SLC11A2: variants seen among roughly 807,000 people sequenced by gnomAD.
SLC11A2 encodes the protein natural resistance-associated macrophage protein 2.
SLC11A2 carries 38 observed loss-of-function variants against 68.0 expected under a neutral mutation model. The ratio of observed to expected loss-of-function variants is 0.56; its 90% CI spans 0.43 to 0.73. SLC11A2 has a LOEUF of 0.73. Ranked by LOEUF, SLC11A2 falls within the 30% of genes least tolerant of loss-of-function variation. The pLI, the probability that SLC11A2 is intolerant of heterozygous loss-of-function variation, is 0.00. For missense variants in SLC11A2, 517 were observed against 690.5 expected, an observed-to-expected ratio of 0.75 and a Z score of 2.82; for synonymous variants, 242 against 250.6, an observed-to-expected ratio of 0.97 and a Z score of 0.32.
the SLC11A2 span, among the ~76,000 whole-genome samples, chr12:50,962,279 C>T: frequency 6.6e-6 from 1 of 151,324 alleles, no homozygotes; most frequent in South Asian, 2.1e-4. Context: ...TGTGGTGGCA[C>T]ATGCCTGTAA....
intron 2 of SLC11A2, 90 bp downstream of exon 2, chr12:51,010,605 A>G: frequency 1.3e-6 from 1 of 766,646 alleles, no homozygotes; most frequent in South Asian, 1.4e-5. Flanking sequence ...ATGACAGATG[A>G]TGACAAGAGG....
intron 3 of SLC11A2, among the ~76,000 whole-genome samples, chr12:51,007,482 C>T (rs911523630): frequency 2.0e-5 from 3 of 148,390 alleles, no homozygotes; most frequent in African/African-American, 5.0e-5. Context: ...TTACAGGCAC[C>T]CACCACTACG....
chr12:50,982,250 G>A (rs1940088522), downstream of SLC11A2, among the ~76,000 whole-genome samples: 1 of 150,504 alleles, frequency 6.6e-6, no homozygotes, highest in Non-Finnish European at 1.5e-5. Flanking sequence ...ACATGAAATG[G>A]CATGTACCAA....
intron 5 of SLC11A2, among the ~76,000 whole-genome samples, chr12:51,004,523 A>G (rs977012874): frequency 6.6e-6 from 1 of 152,246 alleles, no homozygotes; most frequent in African/African-American, 2.4e-5. Context: ...ATTGCTAGAT[A>G]CTGGAAGCCA....
chr12:51,005,766 AGGTGT>A, intron 3 of SLC11A2: 4 of 1,128,398 alleles, frequency 3.5e-6, no homozygotes, highest in Non-Finnish European at 4.7e-6. Flanking sequence ...GAAACAAGCC[AGGTGT>A]GGTGCTGTGT....
Position 50,988,306 on chromosome 12 carries a change from A to C in SLC11A2, c.*19T>G. 1 of 1,613,884 alleles carries C rather than the reference A, an allele frequency of 6.2e-7. No individual in the cohort carries two copies. Among genetic ancestry groups the C allele is most frequent in the Non-Finnish European group, 8.5e-7 (1 of 1,179,806 alleles). ...CACTGGCTCTGATGGCTACCTGCAG[A>C]AGACAGACTAATCCAGTGTTATTTA... is the stretch of plus-strand genomic sequence containing the variant. On this transcript the variant is annotated 3_prime_UTR_variant, in exon 16 of 16. Coordinates refer to ENST00000262052, the MANE Select transcript of SLC11A2 (RefSeq NM_000617.3).
At chr12:51,025,479 G>A (rs933333163) in intron 1 of SLC11A2, among the ~76,000 whole-genome samples, 4 of 152,214 alleles carry the variant, frequency 2.6e-5, no homozygotes, top group African/African-American at 7.2e-5. Flanking sequence ...AGAAGTCAGT[G>A]TAAACATAGC....
the SLC11A2 span, among the ~76,000 whole-genome samples, chr12:50,953,492 C>G: frequency 1.3e-5 from 2 of 152,202 alleles, no homozygotes; most frequent in Non-Finnish European, 2.9e-5. Flanking sequence ...ACAGTAGGTG[C>G]TTGGTAAATA....
intron 2 of SLC11A2, among the ~76,000 whole-genome samples, chr12:51,009,993 C>A (rs2136315123): frequency 6.6e-6 from 1 of 151,988 alleles, no homozygotes; most frequent in Middle Eastern, 3.4e-3. Flanking sequence ...ACCACCCTGA[C>A]CAACATAGCA....
downstream of SLC11A2, among the ~76,000 whole-genome samples, chr12:50,982,938 CA>C (rs34727368): frequency 0.11 from 9,697 of 89,990 alleles, 537 homozygotes; most frequent in East Asian, 0.34. Context: ...GAGACTCCGT[CA>C]AAAAAAAAAA....
At chr12:51,014,676 A>C (rs1236689954) in intron 1 of SLC11A2, among the ~76,000 whole-genome samples, 1 of 152,066 alleles carries the variant, frequency 6.6e-6, no homozygotes, top group Non-Finnish European at 1.5e-5. Flanking sequence ...ACATGGGTGA[A>C]ACCCCGTCTC....
intron 2 of SLC11A2, among the ~76,000 whole-genome samples, chr12:51,010,216 A>C (rs199862017): frequency 4.3e-3 from 72 of 16,814 alleles, no homozygotes; most frequent in Admixed American, 0.014. Context: ...AACAAACAAA[A>C]AAAAAACATT....
downstream of SLC11A2, among the ~76,000 whole-genome samples, chr12:50,975,553 T>C (rs2136111773): frequency 6.6e-6 from 1 of 151,986 alleles, no homozygotes; most frequent in South Asian, 2.1e-4. Flanking sequence ...GATCTAAAAT[T>C]GACACCCTAA....
upstream of SLC11A2, chr12:51,026,547 C>A (rs1944403570): frequency 8.8e-6 from 3 of 341,052 alleles, no homozygotes; most frequent in South Asian, 6.5e-5. Context: ...CACGCGGCGG[C>A]CCCTGGGGCA....
chr12:50,986,642 T>C lies in SLC11A2; in HGVS notation c.*1683A>G, dbSNP rs772166626. ...GAGAGCTTAAGATGTCAGTCCCCAA[T>C]ATCTTCACAGAGTGCCTTTATGACC... On this transcript the variant is annotated 3_prime_UTR_variant, in exon 16 of 16. Transcript: ENST00000262052. The C allele has an allele frequency of 1.2e-5, 15 of 1,286,658 alleles. No homozygotes were observed. The South Asian group carries it at 1.9e-4, about 16-fold the overall frequency. 79.7% of individuals were successfully genotyped at this position (1,286,658 alleles called of 1,614,324 possible). A position where few individuals can be genotyped will look rare whatever the true frequency, so the allele number is the denominator to read the frequency against.
chr12:51,018,652 G>A (rs957460559), intron 1 of SLC11A2, among the ~76,000 whole-genome samples: 5 of 151,748 alleles, frequency 3.3e-5, no homozygotes, highest in African/African-American at 7.3e-5. Flanking sequence ...GTGGTAGTGC[G>A]TGCTACTTGG....
chr12:50,992,688 T>G, intron 12 of SLC11A2, 122 bp downstream of exon 12: 1 of 1,043,082 alleles, frequency 9.6e-7, no homozygotes. Context: ...GCCGAGATCA[T>G]GCCATTACAC....
At chr12:50,991,497 A>G (rs1423155518) in intron 14 of SLC11A2, 102 bp downstream of exon 14, 1 of 874,326 alleles carries the variant, frequency 1.1e-6, no homozygotes, top group East Asian at 2.5e-5. Context: ...CTCTCAAAGC[A>G]TATCGCTTCC....
At chr12:50,976,404 T>C (rs1304583594), downstream of SLC11A2, among the ~76,000 whole-genome samples, 1 of 152,212 alleles carries the variant, frequency 6.6e-6, no homozygotes, top group Non-Finnish European at 1.5e-5. Context: ...AATGATCATT[T>C]CAATAGATGC....
Sources: allele counts gnomAD v4.1 joint callset (sites outside exome capture counted in the v4.1 genomes callset), GRCh38; gene constraint gnomAD v4.1.1; transcripts MANE v1.5; gene names NCBI Gene and HGNC (gene_info 2026-07-23, HGNC 2026-07-21).